Variants in GRIP1 observed in about 807,000 individuals in gnomAD.
GRIP1 encodes glutamate receptor-interacting protein 1.
In GRIP1, 45 loss-of-function variants were observed where a neutral mutation model predicts 129.9. That is an observed-to-expected ratio of 0.35 (90% CI 0.27 to 0.44). The LOEUF (loss-of-function observed/expected upper bound fraction) is 0.44. Among genes scored for constraint, GRIP1 ranks in the 20% least tolerant of loss-of-function variants. GRIP1 has a pLI of 1.00. For synonymous variants in GRIP1, 530 were observed against 520.8 expected (o/e 1.02, Z -0.24); for missense variants, 1,196 against 1,396.8 (o/e 0.86, Z 2.29).
At chr12:67,065,325 T>G (rs1164031266) in intron 1 of GRIP1, 1 of 152,062 alleles carries the variant, frequency 6.6e-6, no homozygotes, top group Non-Finnish European at 1.5e-5. Context: ...GGTGACAAAG[T>G]GAGACCCTGT....
intron 1 of GRIP1, among the ~76,000 whole-genome samples, chr12:66,625,109 A>G (rs2029876731): frequency 6.6e-6 from 1 of 151,970 alleles, no homozygotes; most frequent in Admixed American, 6.6e-5. Context: ...ATATGTTATT[A>G]TCTGTCATGA....
At chr12:66,848,303 T>A (rs181141949) in intron 1 of GRIP1, among the ~76,000 whole-genome samples, 1 of 152,176 alleles carries the variant, frequency 6.6e-6, no homozygotes. Flanking sequence ...CTAACATTAA[T>A]GCATTAAAGT....
intron 16 of GRIP1, among the ~76,000 whole-genome samples, chr12:66,394,566 C>T (rs1202862637): frequency 6.6e-6 from 1 of 152,188 alleles, no homozygotes; most frequent in Non-Finnish European, 1.5e-5. Context: ...GGAACACTGC[C>T]TAATGACTTA....
At chr12:66,699,429 C>T (rs867013777) in intron 1 of GRIP1, among the ~76,000 whole-genome samples, 9 of 152,212 alleles carry the variant, frequency 5.9e-5, no homozygotes, top group African/African-American at 1.4e-4. Context: ...ATTATGGGTG[C>T]GGTTTCCCTC....
chr12:67,009,543 A>G (rs989161152), intron 1 of GRIP1, among the ~76,000 whole-genome samples: 3 of 152,208 alleles, frequency 2.0e-5, no homozygotes, highest in Non-Finnish European at 4.4e-5. Flanking sequence ...CAGACTTTAA[A>G]GAAGTATTAA....
At chr12:66,364,802 G>A (rs1000153870) in intron 23 of GRIP1, among the ~76,000 whole-genome samples, 2 of 151,940 alleles carry the variant, frequency 1.3e-5, no homozygotes, top group Non-Finnish European at 2.9e-5. Context: ...TCAAAAGAAC[G>A]CAACAGCTTC....
chr12:66,827,347 CACTT>C lies in GRIP1; in HGVS notation c.59-230424_59-230421del, dbSNP rs555140579. ...TTGCCCTTAGTTTGTAGAGGTTGCT[CACTT>C]ACTCAAAACCAGGTGTGTGTGTGTG... On this transcript the variant is annotated intron_variant, in intron 1 of 1. Coordinates refer to the GRIP1 transcript ENST00000643019. Among the ~76,000 whole-genome samples the C allele has an allele frequency of 1.0e-4, 15 of 149,924 alleles. No individual in the cohort carries two copies. In the South Asian group the frequency reaches 3.2e-3, roughly 32 times the overall value.
At chr12:66,559,634 A>G (rs1307797145) in intron 2 of GRIP1, among the ~76,000 whole-genome samples, 1 of 152,180 alleles carries the variant, frequency 6.6e-6, no homozygotes, top group African/African-American at 2.4e-5. Flanking sequence ...AGGTCTTTAC[A>G]ATGAAAACTT....
At chr12:66,524,483 G>C (rs899031842) in intron 5 of GRIP1, among the ~76,000 whole-genome samples, 3 of 151,990 alleles carry the variant, frequency 2.0e-5, no homozygotes, top group Non-Finnish European at 4.4e-5. Context: ...AAACCAATGA[G>C]AACAAAGACA....
chr12:66,814,648 A>G (rs1454224430), intron 1 of GRIP1, among the ~76,000 whole-genome samples: 1 of 151,914 alleles, frequency 6.6e-6, no homozygotes, highest in African/African-American at 2.4e-5. Flanking sequence ...CTGGGGGGAG[A>G]ATGAGTTTAT....
intron 1 of GRIP1, among the ~76,000 whole-genome samples, chr12:67,045,297 G>A (rs928044224): frequency 2.0e-5 from 3 of 152,142 alleles, no homozygotes; most frequent in African/African-American, 7.2e-5. Context: ...GGAAGGGAGG[G>A]AGACACAGAG....
chr12:66,969,594 T>A (rs1168028117), intron 1 of GRIP1, among the ~76,000 whole-genome samples: 2 of 152,092 alleles, frequency 1.3e-5, no homozygotes, highest in Non-Finnish European at 2.9e-5. Flanking sequence ...TTTTTTTTAT[T>A]TTTTTAGAAA....
At chr12:66,815,682 T>C (rs1398465725) in intron 1 of GRIP1, among the ~76,000 whole-genome samples, 1 of 151,958 alleles carries the variant, frequency 6.6e-6, no homozygotes, top group Non-Finnish European at 1.5e-5. Flanking sequence ...GAGGATTGCT[T>C]CAGCTCGGGA....
chr12:66,847,650 T>C (rs1175521938), intron 1 of GRIP1, among the ~76,000 whole-genome samples: 1 of 152,122 alleles, frequency 6.6e-6, no homozygotes, highest in African/African-American at 2.4e-5. Flanking sequence ...ATGTTAAAAT[T>C]TGATTGAGTC....
intron 1 of GRIP1, among the ~76,000 whole-genome samples, chr12:66,769,636 G>A (rs1361300696): frequency 6.6e-6 from 1 of 151,934 alleles, no homozygotes; most frequent in African/African-American, 2.4e-5. Flanking sequence ...TGTATCCTGA[G>A]CACACACACT....
intron 2 of GRIP1, among the ~76,000 whole-genome samples, chr12:66,588,350 A>G (rs2063722117): frequency 6.6e-6 from 1 of 152,020 alleles, no homozygotes; most frequent in Non-Finnish European, 1.5e-5. Flanking sequence ...TGTGACCCCA[A>G]GCCATTACTC....
chr12:66,651,894 C>T (rs1193160687), intron 1 of GRIP1, among the ~76,000 whole-genome samples: 1 of 151,888 alleles, frequency 6.6e-6, no homozygotes, highest in Non-Finnish European at 1.5e-5. Flanking sequence ...CTGCCCAGAT[C>T]CATTTCCTAC....
At chr12:66,991,747 C>G (rs191515865) in intron 1 of GRIP1, among the ~76,000 whole-genome samples, 29 of 152,230 alleles carry the variant, frequency 1.9e-4, no homozygotes, top group Non-Finnish European at 3.4e-4. Context: ...ATTTAGTCCA[C>G]CCAAAAATAT....
chr12:66,374,930 T>C lies in GRIP1; in HGVS notation c.2778+2087A>G, dbSNP rs78738281. Among the ~76,000 whole-genome samples the C allele has an allele frequency of 5.5e-3, 838 of 152,302 alleles. 3 individuals carry two copies. The highest frequency in any genetic ancestry group is 0.019 in the African/African-American group (792 of 41,566). On this transcript the variant is annotated intron_variant, in intron 22 of 24. Transcript: ENST00000359742. ...AATAAAAAGCTAAAAAATAATTATTTTTAATTACCTAGGATTTGCTTTGGT... is the reference window on the plus strand; with the variant it reads ...AATAAAAAGCTAAAAAATAATTATTCTTAATTACCTAGGATTTGCTTTGGT...
Sources: gnomAD v4.1 joint callset for allele counts (sites outside exome capture counted in the v4.1 genomes callset) on GRCh38, gnomAD v4.1.1 for gene constraint, MANE v1.5 for transcripts, NCBI Gene and HGNC (gene_info 2026-07-23, HGNC 2026-07-21) for gene names.